The following NRG3 variants were observed in gnomAD, a reference collection of about 807,000 sequenced individuals.
NRG3 encodes pro-neuregulin-3, membrane-bound isoform.
NRG3 carries 31 observed loss-of-function variants against 66.9 expected under a neutral mutation model. That is an observed-to-expected ratio of 0.46 (90% CI 0.35 to 0.63). The LOEUF (loss-of-function observed/expected upper bound fraction) is 0.63. Among genes scored for constraint, NRG3 ranks in the 20% least tolerant of loss-of-function variants. The pLI is 0.00. For synonymous variants in NRG3, 393 were observed against 359.4 expected (o/e 1.09, Z -1.06); for missense variants, 910 against 878.9 (o/e 1.04, Z -0.45).
chr10:82,631,476 T>G (rs934569209), intron 2 of NRG3, among the ~76,000 whole-genome samples: 6 of 152,248 alleles, frequency 3.9e-5, no homozygotes, highest in Admixed American at 2.6e-4. Context: ...AGTCTGAAAG[T>G]AATGATAAAA....
intron 2 of NRG3, among the ~76,000 whole-genome samples, chr10:82,727,775 A>G (rs147495177): frequency 6.6e-6 from 1 of 152,092 alleles, no homozygotes; most frequent in Non-Finnish European, 1.5e-5. Context: ...TGCACTGTGC[A>G]CCTGAAAAAG....
At chr10:82,474,514 A>G (rs2132083488) in intron 2 of NRG3, among the ~76,000 whole-genome samples, 1 of 152,294 alleles carries the variant, frequency 6.6e-6, no homozygotes, top group Admixed American at 6.5e-5. Flanking sequence ...TTGAAGAAAC[A>G]GAAGAACTAA....
intron 1 of NRG3, among the ~76,000 whole-genome samples, chr10:82,229,622 T>A (rs1790157058): frequency 6.6e-6 from 1 of 152,170 alleles, no homozygotes; most frequent in African/African-American, 2.4e-5. Context: ...CATGTCCTTC[T>A]TCACATGGCA....
intron 3 of NRG3, among the ~76,000 whole-genome samples, chr10:82,862,848 T>A (rs980468367): frequency 6.6e-6 from 1 of 152,172 alleles, no homozygotes; most frequent in African/African-American, 2.4e-5. Context: ...TTATTTTTAT[T>A]TTATTTTATT....
At chr10:82,311,180 A>G (rs1186054235) in intron 1 of NRG3, among the ~76,000 whole-genome samples, 1 of 152,106 alleles carries the variant, frequency 6.6e-6, no homozygotes, top group African/African-American at 2.4e-5. Context: ...ATAAGGTATT[A>G]CTCTCTGAGT....
chr10:82,000,982 G>A (rs1458202956), intron 1 of NRG3, among the ~76,000 whole-genome samples: 1 of 152,018 alleles, frequency 6.6e-6, no homozygotes, highest in Non-Finnish European at 1.5e-5. Flanking sequence ...AACATTGTAT[G>A]GAAATTCCAA....
chr10:82,232,962 G>T lies in NRG3; in HGVS notation c.824-125777G>T, dbSNP rs183076959. The T allele has an allele frequency of 3.6e-5, 23 of 644,910 alleles. No individual in the cohort carries two copies. The Admixed American group carries it at 4.6e-4, about 13-fold the overall frequency. The allele number at this position is 644,910 out of a possible 1,614,324, so 39.9% of individuals were successfully genotyped here. A position where few individuals can be genotyped will look rare whatever the true frequency, so the allele number is the denominator to read the frequency against. ...CTCTAGTTGCCTGGTACCTGGCCCTGGGTTGCTTAAGACAGAAGAATATTG... is the reference window on the plus strand; with the variant it reads ...CTCTAGTTGCCTGGTACCTGGCCCTTGGTTGCTTAAGACAGAAGAATATTG... On this transcript the variant is annotated intron_variant, in intron 1 of 8. Coordinates refer to ENST00000372141, the MANE Select transcript of NRG3 (RefSeq NM_001010848.4).
At chr10:82,102,157 T>C (rs1389812278) in intron 1 of NRG3, among the ~76,000 whole-genome samples, 4 of 127,782 alleles carry the variant, frequency 3.1e-5, no homozygotes, top group South Asian at 2.4e-4. Flanking sequence ...TATATATATA[T>C]ATATATATAT....
intron 1 of NRG3, among the ~76,000 whole-genome samples, chr10:82,024,920 T>G (rs1247244596): frequency 2.6e-5 from 4 of 152,118 alleles, no homozygotes. Context: ...AAATTTGTAA[T>G]TACTGTAATT....
At chr10:82,013,543 A>G (rs1255684873) in intron 1 of NRG3, among the ~76,000 whole-genome samples, 2 of 152,310 alleles carry the variant, frequency 1.3e-5, no homozygotes, top group African/African-American at 4.8e-5. Flanking sequence ...AATTTTTAGT[A>G]TAAATTTGGA....
chr10:82,864,913 A>T (rs1437850252), intron 3 of NRG3, among the ~76,000 whole-genome samples: 2 of 152,198 alleles, frequency 1.3e-5, no homozygotes, highest in Non-Finnish European at 2.9e-5. Flanking sequence ...GAGAGAAAAA[A>T]GTCCAACATC....
chr10:82,421,429 G>C (rs1564902539), intron 2 of NRG3, among the ~76,000 whole-genome samples: 1 of 151,942 alleles, frequency 6.6e-6, no homozygotes, highest in East Asian at 1.9e-4. Flanking sequence ...AGTCTATGCG[G>C]CAACAATGAT....
intron 4 of NRG3, among the ~76,000 whole-genome samples, chr10:82,937,240 T>G (rs930662988): frequency 6.6e-6 from 1 of 152,226 alleles, no homozygotes; most frequent in Non-Finnish European, 1.5e-5. Context: ...TTATATTTTA[T>G]TAACACTGGA....
intron 2 of NRG3, among the ~76,000 whole-genome samples, chr10:82,415,373 T>TA (rs1282044915): frequency 6.6e-6 from 1 of 152,180 alleles, no homozygotes; most frequent in Non-Finnish European, 1.5e-5. Flanking sequence ...GTTGCAGCAT[T>TA]ACGATGTAAG....
chr10:82,349,948 A>G (rs1325881510), intron 1 of NRG3, among the ~76,000 whole-genome samples: 2 of 151,910 alleles, frequency 1.3e-5, no homozygotes, highest in Non-Finnish European at 2.9e-5. Flanking sequence ...GCACCCACTG[A>G]CCTGCGCCCA....
intron 2 of NRG3, among the ~76,000 whole-genome samples, chr10:82,511,494 C>T (rs1845164674): frequency 6.6e-6 from 1 of 152,116 alleles, no homozygotes; most frequent in African/African-American, 2.4e-5. Context: ...TTACTCATCC[C>T]CGCTGGGCAC....
chr10:82,855,745 A>AT (rs772285003), intron 3 of NRG3, among the ~76,000 whole-genome samples: 1 of 151,628 alleles, frequency 6.6e-6, no homozygotes, highest in Non-Finnish European at 1.5e-5. Flanking sequence ...AAAGATAGGA[A>AT]TAAAAAAAAA....
intron 3 of NRG3, among the ~76,000 whole-genome samples, chr10:82,772,252 A>G (rs1180524371): frequency 6.6e-6 from 1 of 152,204 alleles, no homozygotes; most frequent in South Asian, 2.1e-4. Flanking sequence ...ATCATCTAAC[A>G]TAGTTACTCT....
intron 2 of NRG3, among the ~76,000 whole-genome samples, chr10:82,603,280 A>C (rs894350085): frequency 1.3e-5 from 2 of 152,180 alleles, no homozygotes; most frequent in African/African-American, 4.8e-5. Flanking sequence ...AAAATCAGTC[A>C]CATTTATGTA....
Sources: allele counts gnomAD v4.1 joint callset (sites outside exome capture counted in the v4.1 genomes callset), GRCh38; gene constraint gnomAD v4.1.1; transcripts MANE v1.5; gene names NCBI Gene and HGNC (gene_info 2026-07-23, HGNC 2026-07-21).